Variants in NEGR1 observed in about 807,000 individuals in gnomAD.
NEGR1 encodes the protein IgLON family member 4.
A neutral mutation model predicts 40.9 loss-of-function variants in NEGR1; 10 were observed. That is an observed-to-expected ratio of 0.24 (90% CI 0.15 to 0.42). NEGR1 has a LOEUF of 0.42. Ranked by LOEUF, NEGR1 falls within the 10% of genes least tolerant of loss-of-function variation. NEGR1 has a pLI of 1.00. For missense variants in NEGR1, 352 were observed against 438.9 expected (o/e 0.80, Z 1.77); for synonymous variants, 185 against 166.8 (o/e 1.11, Z -0.84).
At position 71,404,935 on chromosome 1, in the gene NEGR1, A is replaced by C. The variant is rs145940621; in HGVS notation, c.*2511T>G. On this transcript the variant is annotated 3_prime_UTR_variant, in exon 7 of 7. Coordinates refer to ENST00000357731, the MANE Select transcript of NEGR1 (RefSeq NM_173808.3). ...TGCAATACATTCACACAAAAAAGCAAATACTGTAGCCTTATTTGACAATAT... is the reference window on the plus strand; with the variant it reads ...TGCAATACATTCACACAAAAAAGCACATACTGTAGCCTTATTTGACAATAT... 1.8e-4 allele frequency: 27 copies of C among 152,336 alleles called. No homozygotes were observed. The highest frequency in any genetic ancestry group is 6.5e-4 in the African/African-American group (27 of 41,528). 9.4% of individuals were successfully genotyped at this position (152,336 alleles called of 1,614,324 possible).
At chr1:71,415,100 T>C (rs1646346636) in intron 6 of NEGR1, among the ~76,000 whole-genome samples, 1 of 152,102 alleles carries the variant, frequency 6.6e-6, no homozygotes, top group Non-Finnish European at 1.5e-5. Flanking sequence ...GAAAAATTTG[T>C]ATTTATATAC....
chr1:72,108,734 A>T (rs1649235542), intron 1 of NEGR1, among the ~76,000 whole-genome samples: 1 of 151,700 alleles, frequency 6.6e-6, no homozygotes, highest in South Asian at 2.1e-4. Flanking sequence ...AGGAATCTGG[A>T]GAGGTATTCA....
intron 6 of NEGR1, among the ~76,000 whole-genome samples, chr1:71,482,418 G>A (rs1646859625): frequency 6.6e-6 from 1 of 151,722 alleles, no homozygotes; most frequent in African/African-American, 2.4e-5. Context: ...AAATAGTGAA[G>A]AAATATGTTT....
intron 6 of NEGR1, among the ~76,000 whole-genome samples, chr1:71,539,043 A>G (rs1354217797): frequency 6.6e-6 from 1 of 151,706 alleles, no homozygotes; most frequent in Non-Finnish European, 1.5e-5. Context: ...TTGATAATAG[A>G]GTTTCTGGAG....
At chr1:71,645,264 C>T (rs1651492996) in intron 4 of NEGR1, among the ~76,000 whole-genome samples, 1 of 151,980 alleles carries the variant, frequency 6.6e-6, no homozygotes, top group South Asian at 2.1e-4. Context: ...GTGCTTTGCA[C>T]ATAGTATGCA....
At chr1:71,937,873 T>C (rs1011107873) in intron 1 of NEGR1, among the ~76,000 whole-genome samples, 3 of 152,120 alleles carry the variant, frequency 2.0e-5, no homozygotes, top group Non-Finnish European at 4.4e-5. Context: ...CCAGAGGCAG[T>C]AGCAGCTTTA....
intron 2 of NEGR1, among the ~76,000 whole-genome samples, chr1:71,808,569 T>A (rs1657865030): frequency 6.6e-6 from 1 of 152,132 alleles, no homozygotes; most frequent in Admixed American, 6.6e-5. Flanking sequence ...AAAGAGCCTT[T>A]ATTATACTTT....
chr1:71,505,318 C>T (rs929221335), intron 6 of NEGR1, among the ~76,000 whole-genome samples: 5 of 151,626 alleles, frequency 3.3e-5, no homozygotes, highest in Admixed American at 6.6e-5. Flanking sequence ...GATGGAGTCT[C>T]GCTCTTTCGC....
chr1:71,612,742 G>C (rs187389029), intron 4 of NEGR1, among the ~76,000 whole-genome samples: 3 of 152,210 alleles, frequency 2.0e-5, no homozygotes, highest in African/African-American at 7.2e-5. Context: ...ATGTAAATGA[G>C]TGAGTTAGCT....
At chr1:71,877,386 T>C (rs967964617) in intron 2 of NEGR1, among the ~76,000 whole-genome samples, 1 of 152,098 alleles carries the variant, frequency 6.6e-6, no homozygotes, top group Non-Finnish European at 1.5e-5. Flanking sequence ...AAGTCTGAGA[T>C]CAAGGCGTGG....
chr1:71,942,021 G>A (rs931624513), intron 1 of NEGR1, among the ~76,000 whole-genome samples: 1 of 150,962 alleles, frequency 6.6e-6, no homozygotes, highest in Non-Finnish European at 1.5e-5. Flanking sequence ...AATAAAACAT[G>A]TACATTTATT....
intron 6 of NEGR1, among the ~76,000 whole-genome samples, chr1:71,459,306 C>T (rs187836217): frequency 1.3e-5 from 2 of 152,224 alleles, no homozygotes; most frequent in East Asian, 3.9e-4. Flanking sequence ...CTATAGATTC[C>T]AAGATAATGT....
At chr1:71,564,044 G>A (rs773721501) in intron 6 of NEGR1, among the ~76,000 whole-genome samples, 1 of 151,936 alleles carries the variant, frequency 6.6e-6, no homozygotes, top group Non-Finnish European at 1.5e-5. Flanking sequence ...AAGGCCAAAG[G>A]TATTCTACAT....
chr1:72,136,541 T>A (rs1185485219), intron 1 of NEGR1, among the ~76,000 whole-genome samples: 1 of 144,696 alleles, frequency 6.9e-6, no homozygotes, highest in East Asian at 2.0e-4. Flanking sequence ...CTTCCAGAAA[T>A]AATGAGTAAA....
chr1:72,180,191 G>A (rs931577234), intron 1 of NEGR1, among the ~76,000 whole-genome samples: 2 of 151,880 alleles, frequency 1.3e-5, no homozygotes, highest in African/African-American at 4.8e-5. Flanking sequence ...ACAGTCCAGT[G>A]GAAAAGAATG....
intron 2 of NEGR1, among the ~76,000 whole-genome samples, chr1:71,913,406 C>A (rs770863477): frequency 6.6e-6 from 1 of 152,144 alleles, no homozygotes; most frequent in African/African-American, 2.4e-5. Flanking sequence ...TGAGCCACTG[C>A]GCCCAGCCGG....
intron 5 of NEGR1, among the ~76,000 whole-genome samples, chr1:71,609,345 C>A (rs12744367): frequency 6.6e-6 from 1 of 150,720 alleles, no homozygotes; most frequent in Non-Finnish European, 1.5e-5. Context: ...GAAACCCTGT[C>A]TCTACTAAAA....
chr1:71,817,309 G>T (rs1658259531), intron 2 of NEGR1, among the ~76,000 whole-genome samples: 1 of 152,078 alleles, frequency 6.6e-6, no homozygotes, highest in South Asian at 2.1e-4. Context: ...AAGCAAGATG[G>T]TAGTACAAAG....
chr1:72,235,896 T>C (rs1380263129), intron 1 of NEGR1, among the ~76,000 whole-genome samples: 1 of 152,078 alleles, frequency 6.6e-6, no homozygotes, highest in Non-Finnish European at 1.5e-5. Context: ...AAAATGTATT[T>C]ATGAAAGTGA....
Sources: gnomAD v4.1 joint callset for allele counts (sites outside exome capture counted in the v4.1 genomes callset) on GRCh38, gnomAD v4.1.1 for gene constraint, MANE v1.5 for transcripts, NCBI Gene and HGNC (gene_info 2026-07-23, HGNC 2026-07-21) for gene names.